BRD8: variants seen among roughly 807,000 people sequenced by gnomAD.
BRD8 encodes the protein bromodomain containing 8.
BRD8 carries 67 observed loss-of-function variants against 143.1 expected under a neutral mutation model. The ratio of observed to expected loss-of-function variants is 0.47; its 90% CI spans 0.38 to 0.57. The LOEUF is 0.57. Ranked by LOEUF, BRD8 falls within the 20% of genes least tolerant of loss-of-function variation. BRD8 has a pLI of 0.00. For synonymous variants in BRD8, 505 were observed against 517.1 expected, an observed-to-expected ratio of 0.98 and a Z score of 0.32; for missense variants, 1,103 against 1,503.0, an observed-to-expected ratio of 0.73 and a Z score of 4.40.
At position 138,164,378 on chromosome 5, in the gene BRD8, G is replaced by C. The variant is rs748618450; in HGVS notation, c.1767C>G (p.Gly589=). The C allele has an allele frequency of 6.2e-7, 1 of 1,614,164 alleles. No individual in the cohort carries two copies. Among genetic ancestry groups the C allele is most frequent in the Non-Finnish European group, 8.5e-7 (1 of 1,179,996 alleles). The part of the protein sequence containing the change: ...SPESMLSPSH[G]SNPIEDPLEA... ...CTAAAGGATCTTCAATGGGATTTGA[G>C]CCATGTGATGGAGACAACATGCTTT... The change falls in exon 13 of 27, where the codon GGC becomes GGG. Residue 589 remains glycine, a synonymous_variant. Transcript: ENST00000254900.
intron 15 of BRD8, among the ~76,000 whole-genome samples, chr5:138,162,649 T>C (rs1311080862): frequency 6.6e-6 from 1 of 152,004 alleles, no homozygotes; most frequent in East Asian, 1.9e-4. Context: ...AAGACCAGAC[T>C]GGACCACATA....
chr5:138,167,701 T>C (rs1402914540), intron 9 of BRD8: 1 of 481,192 alleles, frequency 2.1e-6, no homozygotes. Flanking sequence ...AGCAGTTCAA[T>C]ATTACTCTCA....
At chr5:138,176,438 G>A (rs1052672652) in intron 2 of BRD8, among the ~76,000 whole-genome samples, 1 of 152,068 alleles carries the variant, frequency 6.6e-6, no homozygotes, top group African/African-American at 2.4e-5. Flanking sequence ...CAGGCCACTC[G>A]TGGCGCATGG....
chr5:138,159,606 G>C lies in BRD8; in HGVS notation c.2533-7C>G. The C allele has an allele frequency of 6.2e-7, 1 of 1,613,748 alleles. No individual in the cohort carries two copies. The highest frequency in any genetic ancestry group is 8.5e-7 in the Non-Finnish European group (1 of 1,179,712). On this transcript the variant is annotated splice_region_variant and splice_polypyrimidine_tract_variant and intron_variant, in intron 19 of 26. Transcript: ENST00000254900. Reference sequence around the variant, plus strand: ...AGCCCATTGGGACACTGTCCTGTTAGAGGACAAACAAACACTGATCAGGTT... The same window carrying C: ...AGCCCATTGGGACACTGTCCTGTTACAGGACAAACAAACACTGATCAGGTT...
intron 9 of BRD8, chr5:138,167,722 T>C (rs1753552016): frequency 3.7e-6 from 2 of 536,400 alleles, no homozygotes; most frequent in East Asian, 6.6e-5. Flanking sequence ...ATATCCATGC[T>C]GTGGTCAATC....
intron 2 of BRD8, among the ~76,000 whole-genome samples, chr5:138,174,061 T>C (rs919419215): frequency 2.0e-5 from 3 of 152,180 alleles, no homozygotes; most frequent in Non-Finnish European, 4.4e-5. Flanking sequence ...TCTTTATGTG[T>C]CTGGCTTATT....
chr5:138,163,593 C>G, intron 14 of BRD8: 1 of 1,448,876 alleles, frequency 6.9e-7, no homozygotes, highest in Non-Finnish European at 9.1e-7. Context: ...TTACTTAAGA[C>G]TAAGCTAAGA....
chr5:138,172,219 C>T (rs930457601), intron 2 of BRD8, 85 bp from the exon 3 acceptor site: 8 of 1,154,174 alleles, frequency 6.9e-6, no homozygotes, highest in Non-Finnish European at 1.0e-5. Flanking sequence ...GGAGTTCAAA[C>T]TTTGGAATAA....
chr5:138,170,415 C>T lies in BRD8; in HGVS notation c.441-6G>A. On this transcript the variant is annotated splice_region_variant and splice_polypyrimidine_tract_variant and intron_variant, in intron 6 of 26. Transcript: ENST00000254900. ...CTTCTTCCAATTTCTTTTTCCTAAA[C>T]AGGGAATTAAGGGTTAGATGCTAGA... is the stretch of plus-strand genomic sequence containing the variant. 6.2e-7 allele frequency: 1 copy of T among 1,613,994 alleles called. No homozygotes were observed.
At chr5:138,154,718 T>G (rs1752506997) in intron 20 of BRD8, among the ~76,000 whole-genome samples, 1 of 152,184 alleles carries the variant, frequency 6.6e-6, no homozygotes, top group Non-Finnish European at 1.5e-5. Context: ...CAAGAAGACT[T>G]TGACTATTAG....
At chr5:138,140,188 A>G in intron 26 of BRD8, 22 bp from the exon 27 acceptor site, 4 of 1,545,846 alleles carry the variant, frequency 2.6e-6, no homozygotes, top group Non-Finnish European at 3.6e-6. Context: ...AGGAACACAT[A>G]GCAAGCTATT....
At position 138,171,415 on chromosome 5, in the gene BRD8, TAAA is replaced by T. The variant is rs34106093; in HGVS notation, c.187-8_187-6del. 14,014 of 1,329,622 alleles carry T rather than the reference TAAA, an allele frequency of 0.011. No individual in the cohort carries two copies. The highest frequency in any genetic ancestry group is 0.012 in the Non-Finnish European group (11,600 of 969,908). 82.4% of individuals were successfully genotyped at this position (1,329,622 alleles called of 1,614,324 possible). A position where few individuals can be genotyped will look rare whatever the true frequency, so the allele number is the denominator to read the frequency against. On this transcript the variant is annotated splice_polypyrimidine_tract_variant and splice_region_variant and intron_variant, in intron 3 of 26. Coordinates refer to ENST00000254900, the MANE Select transcript of BRD8 (RefSeq NM_139199.2). ...CGAGTACTGGGAAGCACAATGCTAT[TAAA>T]AAAAAAAAAAAAAGTGAAAATGTGA...
At chr5:138,167,822 A>G in intron 9 of BRD8, 112 bp downstream of exon 9, 1 of 960,668 alleles carries the variant, frequency 1.0e-6, no homozygotes, top group South Asian at 1.3e-5. Flanking sequence ...AAAGTTAGAA[A>G]AAGTTGGGCT....
chr5:138,173,494 T>G (rs888143130), intron 2 of BRD8, among the ~76,000 whole-genome samples: 11 of 152,208 alleles, frequency 7.2e-5, no homozygotes, highest in Admixed American at 2.6e-4. Flanking sequence ...CTGTTTTGTT[T>G]AAAAATGAGC....
intron 14 of BRD8, chr5:138,163,708 C>G: frequency 1.7e-6 from 2 of 1,160,102 alleles, no homozygotes; most frequent in Non-Finnish European, 2.3e-6. Context: ...AAGCTCACAT[C>G]ACATTCTTTA....
intron 3 of BRD8, among the ~76,000 whole-genome samples, chr5:138,171,618 G>A (rs1263021384): frequency 6.6e-6 from 1 of 152,120 alleles, no homozygotes; most frequent in Non-Finnish European, 1.5e-5. Context: ...TTATGGACTG[G>A]AGTTTGTGCA....
intron 14 of BRD8, 124 bp from the exon 15 acceptor site, chr5:138,163,468 C>T: frequency 7.4e-7 from 1 of 1,360,502 alleles, no homozygotes; most frequent in African/African-American, 1.5e-5. Flanking sequence ...TTTCCTGACT[C>T]AGCTGTCTAT....
chr5:138,161,350 T>C (rs933987411), intron 17 of BRD8: 13 of 310,476 alleles, frequency 4.2e-5, no homozygotes, highest in Non-Finnish European at 7.1e-5. Context: ...CATGGTTCAC[T>C]GCAGCCTCGA....
chr5:138,157,913 A>T (rs1487826005), intron 20 of BRD8: 1 of 152,252 alleles, frequency 6.6e-6, no homozygotes, highest in Non-Finnish European at 1.5e-5. Flanking sequence ...GGCCAATAAG[A>T]AAGAACGGAG....
Sources: allele counts gnomAD v4.1 joint callset (sites outside exome capture counted in the v4.1 genomes callset), GRCh38; gene constraint gnomAD v4.1.1; transcripts MANE v1.5; gene names NCBI Gene and HGNC (gene_info 2026-07-23, HGNC 2026-07-21).